Variants in ECHS1 observed in about 807,000 individuals in gnomAD.
The protein encoded by ECHS1 is enoyl-CoA hydratase, short chain 1.
A neutral mutation model predicts 33.5 loss-of-function variants in ECHS1; 19 were observed. That is an observed-to-expected ratio of 0.57 (90% CI 0.40 to 0.83). ECHS1 has a LOEUF of 0.83. ECHS1 is among the 40% of genes least tolerant of loss of function. The probability of loss-of-function intolerance (pLI) is 0.00; values close to 1 mark genes in which losing one functional copy is unlikely to be tolerated. For synonymous variants in ECHS1, 158 were observed against 146.6 expected (o/e 1.08, Z -0.56); for missense variants, 365 against 381.3 (o/e 0.96, Z 0.36).
Position 133,369,945 on chromosome 10 carries a change from G to C in ECHS1, c.373C>G (p.Gln125Glu). Reference sequence around the variant, plus strand: ...GCAGCGATGACTGGCTTCTTGACCTGGGTGAGGTGGTCCCAGTGCTTCAAG... The same window carrying C: ...GCAGCGATGACTGGCTTCTTGACCTCGGTGAGGTGGTCCCAGTGCTTCAAG... Reference protein sequence around the residue: ...KFLKHWDHLTQVKKPVIAAVN... With the variant: ...KFLKHWDHLTEVKKPVIAAVN... The change falls in exon 3 of 8, where the codon CAG (glutamine) becomes GAG (glutamate). Residue 125 changes from glutamine to glutamate, a missense_variant. Physicochemically the swap from Gln to Glu is conservative, Grantham distance 29. Coordinates refer to ENST00000368547, the MANE Select transcript of ECHS1 (RefSeq NM_004092.4). The C allele has an allele frequency of 8.7e-6, 14 of 1,613,852 alleles. No homozygotes were observed. Among genetic ancestry groups the C allele is most frequent in the Non-Finnish European group, 1.2e-5 (14 of 1,179,972 alleles).
chr10:133,367,794 A>G (rs560090429), intron 4 of ECHS1, among the ~76,000 whole-genome samples: 5 of 151,838 alleles, frequency 3.3e-5, no homozygotes, highest in Admixed American at 2.6e-4. Context: ...TGAAAGTCTT[A>G]AAGTCTTTGA....
chr10:133,366,923 A>G lies in ECHS1; in HGVS notation c.585T>C (p.Gly195=). The G allele has an allele frequency of 1.2e-6, 2 of 1,612,546 alleles. No individual in the cohort carries two copies. The highest frequency in any genetic ancestry group is 1.7e-6 in the Non-Finnish European group (2 of 1,179,946). The change falls in exon 5 of 8, where the codon GGT becomes GGC. Residue 195 remains glycine, a synonymous_variant. Coordinates refer to ENST00000368547, the MANE Select transcript of ECHS1 (RefSeq NM_004092.4). ...KSLAMEMVLT[G]DRISAQDAKQ... ...TGGCGTCCTGGGCTGAGATCCGGTC[A>G]CCAGTGAGGACCATCTCCATCGCCA...
At position 133,369,991 on chromosome 10, in the gene ECHS1, C is replaced by A. The variant is rs201966675; in HGVS notation, c.327G>T (p.Gln109His). The A allele has an allele frequency of 2.4e-5, 39 of 1,613,772 alleles. No individual in the cohort carries two copies. The highest frequency in any genetic ancestry group is 3.2e-5 in the Non-Finnish European group (38 of 1,179,990). ...TCAAGAACTTGCTGGAGTAACAGTC[C>A]TGGAAACTCAGGTTCTGCATTTCCT... ...DIKEMQNLSFQDCYSSKFLKH... is the reference protein window; with the variant it reads ...DIKEMQNLSFHDCYSSKFLKH... The change falls in exon 3 of 8, where the codon CAG becomes CAT. Residue 109 changes from glutamine to histidine, a missense_variant. Coordinates refer to ENST00000368547, the MANE Select transcript of ECHS1 (RefSeq NM_004092.4).
At chr10:133,366,239 C>T in intron 5 of ECHS1, 144 bp from the exon 6 acceptor site, 1 of 878,772 alleles carries the variant, frequency 1.1e-6, no homozygotes, top group South Asian at 1.7e-5. Flanking sequence ...ACGGGAAGTG[C>T]CGCACGTGCC....
intron 4 of ECHS1, among the ~76,000 whole-genome samples, chr10:133,368,035 G>C (rs1255445232): frequency 6.6e-6 from 1 of 152,056 alleles, no homozygotes; most frequent in African/African-American, 2.4e-5. Flanking sequence ...TGATGGTATT[G>C]GTCCCCCAGG....
intron 4 of ECHS1, 140 bp downstream of exon 4, chr10:133,368,783 G>A: frequency 1.4e-6 from 1 of 728,606 alleles, no homozygotes; most frequent in South Asian, 1.8e-5. Context: ...CTCCGTGGCT[G>A]TCCACAGAGG....
chr10:133,367,048 A>G lies in ECHS1; in HGVS notation c.515-55T>C, dbSNP rs934947879. 14 of 1,441,766 alleles carry G rather than the reference A, an allele frequency of 9.7e-6. No homozygotes were observed. The African/African-American group carries it at 1.1e-4, about 12-fold the overall frequency. 89.3% of individuals were successfully genotyped at this position (1,441,766 alleles called of 1,614,324 possible). ...CTGTGATGAGTGAACCCAAGAAGAC[A>G]TCACAGCTGTGCAGCCAGCAAATTC... On this transcript the variant is annotated intron_variant, in intron 4 of 7. Transcript: ENST00000368547.
intron 2 of ECHS1, among the ~76,000 whole-genome samples, chr10:133,370,335 C>G (rs1172376317): frequency 6.6e-6 from 1 of 152,246 alleles, no homozygotes; most frequent in Admixed American, 6.5e-5. Context: ...GACCTAAACC[C>G]CTTTGAAGAA....
Position 133,362,567 on chromosome 10 carries a change from C to G in ECHS1, c.*301G>C, listed in dbSNP as rs538932115. The stretch of plus-strand genomic sequence containing the variant: ...CCCTCAGAGCAGCCCCATTCTTCAG[C>G]GGCAGGGACACAAGGACCCGCAGGC... On this transcript the variant is annotated 3_prime_UTR_variant, in exon 8 of 8. Coordinates refer to ENST00000368547, the MANE Select transcript of ECHS1 (RefSeq NM_004092.4). 2.1e-6 allele frequency: 1 copy of G among 470,832 alleles called. No individual in the cohort carries two copies. Among genetic ancestry groups the G allele is most frequent in the Non-Finnish European group, 3.9e-6 (1 of 259,210 alleles). 29.2% of individuals were successfully genotyped at this position (470,832 alleles called of 1,614,324 possible).
At chr10:133,363,351 GCGCGCACA>G (rs58799344) in intron 7 of ECHS1, among the ~76,000 whole-genome samples, 185 of 124,452 alleles carry the variant, frequency 1.5e-3, no homozygotes, top group African/African-American at 5.0e-3. Context: ...AGGTGTGCGC[GCGCGCACA>G]CACACACACA....
chr10:133,370,644 C>T lies in ECHS1; in HGVS notation c.202G>A (p.Glu68Lys), dbSNP rs1276839756. 8 of 1,613,026 alleles carry T rather than the reference C, an allele frequency of 5.0e-6. No individual in the cohort carries two copies. Among genetic ancestry groups the T allele is most frequent in the South Asian group, 2.2e-5 (2 of 90,982 alleles). Residue 68 changes from glutamate to lysine, a missense_variant, in exon 2 of 8, where the codon GAG (glutamate) becomes AAG (lysine). Glu to Lys is a moderately conservative substitution (Grantham distance 56). Coordinates refer to ENST00000368547, the MANE Select transcript of ECHS1 (RefSeq NM_004092.4). ...LNALCDGLIDELNQALKTFEE... is the reference protein window; with the variant it reads ...LNALCDGLIDKLNQALKTFEE... ...AAGGTCTTCAGGGCCTGGTTGAGCT[C>T]GTCAATCAGGCCATCGCAAAGTGCA...
At chr10:133,367,645 AG>A (rs1849050603) in intron 4 of ECHS1, among the ~76,000 whole-genome samples, 2 of 151,836 alleles carry the variant, frequency 1.3e-5, no homozygotes, top group Admixed American at 1.3e-4. Context: ...GATATTCTCC[AG>A]GCCTGCCCGC....
At chr10:133,372,255 C>T (rs1004258299) in intron 1 of ECHS1, among the ~76,000 whole-genome samples, 2 of 152,234 alleles carry the variant, frequency 1.3e-5, no homozygotes, top group Non-Finnish European at 2.9e-5. Context: ...TCCACTGCTA[C>T]ACAGGGTGAG....
chr10:133,362,738 C>A lies in ECHS1; in HGVS notation c.*130G>T. 7 of 1,067,078 alleles carry A rather than the reference C, an allele frequency of 6.6e-6. No individual in the cohort carries two copies. The South Asian group carries it at 9.2e-5, about 14-fold the overall frequency. The allele number at this position is 1,067,078 out of a possible 1,614,324, so 66.1% of individuals were successfully genotyped here. ...GCCGTGAGAGGTCGGGCCACGACCA[C>A]GCAGCAATTGGAGAGGAACTGCACA... is the stretch of plus-strand genomic sequence containing the variant. On this transcript the variant is annotated 3_prime_UTR_variant, in exon 8 of 8. Coordinates refer to ENST00000368547, the MANE Select transcript of ECHS1 (RefSeq NM_004092.4).
At chr10:133,369,263 C>A (rs147632621) in intron 3 of ECHS1, among the ~76,000 whole-genome samples, 1 of 152,126 alleles carries the variant, frequency 6.6e-6, no homozygotes, top group African/African-American at 2.4e-5. Context: ...TCTGCTGCCA[C>A]GACTCAACTC....
intron 1 of ECHS1, 98 bp downstream of exon 1, chr10:133,373,148 G>A: frequency 1.0e-6 from 1 of 998,672 alleles, no homozygotes; most frequent in Non-Finnish European, 1.3e-6. Flanking sequence ...GGGGGATGCG[G>A]GGTCAGGTGG....
At position 133,364,014 on chromosome 10, in the gene ECHS1, C is replaced by T. The variant is rs181805493; in HGVS notation, c.807+644G>A. On this transcript the variant is annotated intron_variant, in intron 7 of 7. Transcript: ENST00000368547. ...AGGCTGGAGTGCAGTGGCGTGATCTCGGCTCACTGTAATCTCCGCCTCTGG... is the reference window on the plus strand; with the variant it reads ...AGGCTGGAGTGCAGTGGCGTGATCTTGGCTCACTGTAATCTCCGCCTCTGG... 7.0e-3 allele frequency among the ~76,000 whole-genome samples: 1,056 copies of T among 151,890 alleles called. 21 individuals are homozygous for T. The highest frequency in any genetic ancestry group is 0.024 in the African/African-American group (1,006 of 41,418).
chr10:133,370,882 G>A lies in ECHS1; in HGVS notation c.89-125C>T. 4 of 888,688 alleles carry A rather than the reference G, an allele frequency of 4.5e-6. No individual in the cohort carries two copies. The Admixed American group carries it at 9.5e-5, about 21-fold the overall frequency. The allele number at this position is 888,688 out of a possible 1,614,324, so 55.1% of individuals were successfully genotyped here. Reference sequence around the variant, plus strand: ...CCAAGAGGCCCTCTGAGGGCTCCCTGCCGAGTCCTCAGTGGCTCCAGGTGT... The same window carrying A: ...CCAAGAGGCCCTCTGAGGGCTCCCTACCGAGTCCTCAGTGGCTCCAGGTGT... On this transcript the variant is annotated intron_variant, in intron 1 of 7. Coordinates refer to ENST00000368547, the MANE Select transcript of ECHS1 (RefSeq NM_004092.4).
chr10:133,363,455 A>G (rs1848992136), intron 7 of ECHS1, among the ~76,000 whole-genome samples: 1 of 152,248 alleles, frequency 6.6e-6, no homozygotes, highest in South Asian at 2.1e-4. Context: ...TAAAACACCG[A>G]AGTATGACTT....
Sources: allele counts gnomAD v4.1 joint callset (sites outside exome capture counted in the v4.1 genomes callset), GRCh38; gene constraint gnomAD v4.1.1; transcripts MANE v1.5; gene names NCBI Gene and HGNC (gene_info 2026-07-23, HGNC 2026-07-21).